TBC1D22A: variants seen among roughly 807,000 people sequenced by gnomAD.
TBC1D22A encodes the protein TBC1 domain family member 22A, also known as putative GTPase activator.
A neutral mutation model predicts 60.2 loss-of-function variants in TBC1D22A; 38 were observed. That is an observed-to-expected ratio of 0.63 (90% CI 0.49 to 0.83). TBC1D22A has a LOEUF of 0.83. Ranked by LOEUF, TBC1D22A falls within the 40% of genes least tolerant of loss-of-function variation. The probability of loss-of-function intolerance (pLI) is 0.00; values close to 1 mark genes in which losing one functional copy is unlikely to be tolerated. For missense variants in TBC1D22A, 628 were observed against 701.0 expected, an observed-to-expected ratio of 0.90 and a Z score of 1.18; for synonymous variants, 302 against 281.7, an observed-to-expected ratio of 1.07 and a Z score of -0.72.
chr22:46,965,493 G>T (rs2073757649), intron 8 of TBC1D22A, among the ~76,000 whole-genome samples: 1 of 152,224 alleles, frequency 6.6e-6, no homozygotes, highest in African/African-American at 2.4e-5. Flanking sequence ...GGCGTGCTTT[G>T]TCAGATTGTT....
At chr22:46,841,698 G>C (rs2086778489) in intron 4 of TBC1D22A, among the ~76,000 whole-genome samples, 1 of 152,202 alleles carries the variant, frequency 6.6e-6, no homozygotes, top group African/African-American at 2.4e-5. Context: ...CTGCAAAGTG[G>C]GGAGATGTGA....
chr22:47,051,148 T>G (rs1207066754), intron 11 of TBC1D22A, among the ~76,000 whole-genome samples: 2 of 152,152 alleles, frequency 1.3e-5, no homozygotes, highest in East Asian at 3.9e-4. Flanking sequence ...GGCTGTAGAT[T>G]GTAGCAAAGG....
chr22:46,767,493 G>C (rs1413409066), intron 1 of TBC1D22A, among the ~76,000 whole-genome samples: 1 of 152,208 alleles, frequency 6.6e-6, no homozygotes, highest in Non-Finnish European at 1.5e-5. Flanking sequence ...AACAGCCCCA[G>C]GTGCTGGAGA....
intron 3 of TBC1D22A, among the ~76,000 whole-genome samples, chr22:46,795,309 C>T (rs1478206653): frequency 2.0e-5 from 3 of 152,244 alleles, no homozygotes; most frequent in African/African-American, 7.2e-5. Flanking sequence ...GCTCTGTGAG[C>T]CTCTCAGCAC....
At chr22:47,051,514 G>A (rs748078404) in intron 11 of TBC1D22A, among the ~76,000 whole-genome samples, 3 of 152,164 alleles carry the variant, frequency 2.0e-5, no homozygotes, top group Non-Finnish European at 4.4e-5. Context: ...CGGGAGCCGG[G>A]AGCTAGAACA....
intron 8 of TBC1D22A, chr22:46,915,156 A>G (rs977979366): frequency 1.5e-5 from 5 of 340,758 alleles, no homozygotes; most frequent in Non-Finnish European, 2.9e-5. Context: ...ACCCCCAGCC[A>G]CTGTGCTCAG....
At chr22:47,072,464 C>T (rs774200664) in intron 11 of TBC1D22A, among the ~76,000 whole-genome samples, 1 of 152,258 alleles carries the variant, frequency 6.6e-6, no homozygotes, top group African/African-American at 2.4e-5. Flanking sequence ...AGTTCCCAGT[C>T]CCATCCGTGG....
chr22:46,850,755 T>C (rs1301412089), intron 4 of TBC1D22A, among the ~76,000 whole-genome samples: 2 of 152,198 alleles, frequency 1.3e-5, no homozygotes. Context: ...TGAATGTTTA[T>C]AGCAGCATTT....
intron 1 of TBC1D22A, among the ~76,000 whole-genome samples, chr22:46,782,010 C>T (rs562275463): frequency 5.9e-5 from 9 of 152,306 alleles, no homozygotes; most frequent in East Asian, 5.8e-4. Context: ...TGGTGATTTA[C>T]GCTACAAACT....
Position 46,967,839 on chromosome 22 carries a change from C to T in TBC1D22A, c.1016-6451C>T, listed in dbSNP as rs181859303. The stretch of plus-strand genomic sequence containing the variant: ...TTACAAGCTATGATTCCAGTGCACC[C>T]CCTGGTAATTACAAGCTATGATTCC... On this transcript the variant is annotated intron_variant, in intron 8 of 12. Transcript: ENST00000337137. Among the ~76,000 whole-genome samples the T allele has an allele frequency of 3.4e-4, 51 of 151,644 alleles. 1 individual carries two copies. In the South Asian group the frequency reaches 7.6e-3, roughly 23 times the overall value.
intron 12 of TBC1D22A, among the ~76,000 whole-genome samples, chr22:47,127,352 C>T (rs2066497584): frequency 6.6e-6 from 1 of 150,678 alleles, no homozygotes. Flanking sequence ...CTCAGCCCCA[C>T]GAGTAGCTGG....
Position 47,170,839 on chromosome 22 carries a change from C to G in TBC1D22A, c.1426-2659C>G, listed in dbSNP as rs11912833. Among the ~76,000 whole-genome samples the G allele has an allele frequency of 1.4e-3, 35 of 24,268 alleles. 10 individuals are homozygous for G. Among genetic ancestry groups the G allele is most frequent in the South Asian group, 5.4e-3 (8 of 1,474 alleles). The allele number at this position is 24,268 out of a possible 152,430, so 15.9% of individuals were successfully genotyped here. A position where few individuals can be genotyped will look rare whatever the true frequency, so the allele number is the denominator to read the frequency against. On this transcript the variant is annotated intron_variant, in intron 12 of 12. Transcript: ENST00000337137. ...AGAGAGGGCAGTCCTGGTGTGTAAC[C>G]CTCCTGATGCAGGACCGGAGAGAGG... is the stretch of plus-strand genomic sequence containing the variant.
chr22:47,015,094 A>G (rs1011272428), intron 10 of TBC1D22A, among the ~76,000 whole-genome samples: 1 of 152,230 alleles, frequency 6.6e-6, no homozygotes, highest in African/African-American at 2.4e-5. Flanking sequence ...CCTGCGGGAC[A>G]AACTGGACGC....
intron 12 of TBC1D22A, among the ~76,000 whole-genome samples, chr22:47,138,321 G>A (rs1262292813): frequency 5.3e-5 from 8 of 152,222 alleles, no homozygotes; most frequent in Non-Finnish European, 1.2e-4. Flanking sequence ...CTGGGGGACA[G>A]GGAGGACCGT....
intron 8 of TBC1D22A, among the ~76,000 whole-genome samples, chr22:46,934,271 CA>C (rs2071519155): frequency 6.6e-6 from 1 of 152,202 alleles, no homozygotes; most frequent in African/African-American, 2.4e-5. Context: ...ATGTGTTTAT[CA>C]AAAGTGGAGA....
chr22:46,978,286 C>T (rs1348513559), intron 9 of TBC1D22A, among the ~76,000 whole-genome samples: 1 of 152,150 alleles, frequency 6.6e-6, no homozygotes, highest in Non-Finnish European at 1.5e-5. Context: ...GGTTAATTCT[C>T]TTGATAACTG....
At chr22:46,840,608 C>T (rs1469311332) in intron 4 of TBC1D22A, among the ~76,000 whole-genome samples, 1 of 152,102 alleles carries the variant, frequency 6.6e-6, no homozygotes, top group East Asian at 1.9e-4. Context: ...TAGTGTGCGC[C>T]TGTAGTCCCA....
intron 2 of TBC1D22A, 64 bp downstream of exon 2, chr22:46,792,640 G>T: frequency 6.2e-7 from 1 of 1,613,210 alleles, no homozygotes; most frequent in East Asian, 2.2e-5. Flanking sequence ...TGGCAACCCC[G>T]GTCTTCCTGC....
At chr22:47,082,048 C>T (rs1390731477) in intron 11 of TBC1D22A, among the ~76,000 whole-genome samples, 1 of 152,070 alleles carries the variant, frequency 6.6e-6, no homozygotes, top group Non-Finnish European at 1.5e-5. Context: ...GTCCCAGCTG[C>T]TTGGGAGGCT....
Sources: allele counts gnomAD v4.1 joint callset (sites outside exome capture counted in the v4.1 genomes callset), GRCh38; gene constraint gnomAD v4.1.1; transcripts MANE v1.5; gene names NCBI Gene and HGNC (gene_info 2026-07-23, HGNC 2026-07-21).